UBE2K: variants seen among roughly 807,000 people sequenced by gnomAD.
The protein encoded by UBE2K is ubiquitin-conjugating enzyme E2 K.
UBE2K carries 6 observed loss-of-function variants against 30.0 expected under a neutral mutation model. That is an observed-to-expected ratio of 0.20 (90% CI 0.11 to 0.39). UBE2K has a LOEUF of 0.39. Ranked by LOEUF, UBE2K falls within the 10% of genes least tolerant of loss-of-function variation. The probability of loss-of-function intolerance (pLI) is 1.00; values close to 1 mark genes in which losing one functional copy is unlikely to be tolerated. For synonymous variants in UBE2K, 86 were observed against 83.7 expected (o/e 1.03, Z -0.15); for missense variants, 61 against 241.6 (o/e 0.25, Z 4.96).
intron 1 of UBE2K, among the ~76,000 whole-genome samples, chr4:39,723,758 A>G (rs1719565800): frequency 6.6e-6 from 1 of 152,238 alleles, no homozygotes; most frequent in African/African-American, 2.4e-5. Flanking sequence ...AATAACATTT[A>G]AAATAATTGT....
chr4:39,760,990 A>T (rs1028584406), intron 4 of UBE2K: 3 of 152,214 alleles, frequency 2.0e-5, no homozygotes. Flanking sequence ...TAACAAAAAA[A>T]TTTATAGCAG....
chr4:39,771,491 C>T lies in UBE2K; in HGVS notation c.300-3343C>T, dbSNP rs1002679090. 4 of 1,480,464 alleles carry T rather than the reference C, an allele frequency of 2.7e-6. No homozygotes were observed. The African/African-American group carries it at 4.2e-5, about 16-fold the overall frequency. The allele number at this position is 1,480,464 out of a possible 1,614,324, so 91.7% of individuals were successfully genotyped here. On this transcript the variant is annotated intron_variant, in intron 4 of 6. Transcript: ENST00000261427. The stretch of plus-strand genomic sequence containing the variant: ...TTCCGCGCGCTGTTTTTTTTTAATC[C>T]CCTATTTTCCCCACCCCCGCGGGGC...
intron 1 of UBE2K, among the ~76,000 whole-genome samples, chr4:39,704,688 C>T (rs1718232296): frequency 6.6e-6 from 1 of 151,990 alleles, no homozygotes; most frequent in South Asian, 2.1e-4. Context: ...CTAAAGGCGT[C>T]TGCCACCATG....
intron 1 of UBE2K, among the ~76,000 whole-genome samples, chr4:39,717,286 T>C (rs1578429280): frequency 6.7e-6 from 1 of 149,980 alleles, no homozygotes; most frequent in African/African-American, 2.5e-5. Flanking sequence ...CAGGCTGGAG[T>C]GCAGTGGCAC....
At chr4:39,741,241 A>T (rs1051369650) in intron 2 of UBE2K, among the ~76,000 whole-genome samples, 1 of 152,182 alleles carries the variant, frequency 6.6e-6, no homozygotes, top group Non-Finnish European at 1.5e-5. Context: ...ACTGCACTCC[A>T]GCCTGGGCGA....
chr4:39,717,419 CA>C (rs1719142755), intron 1 of UBE2K, among the ~76,000 whole-genome samples: 1 of 151,964 alleles, frequency 6.6e-6, no homozygotes, highest in African/African-American at 2.4e-5. Flanking sequence ...TAAGTACAGA[CA>C]GGGTTTCACC....
chr4:39,713,286 A>ATTATTTTTTTTTTTTT (rs1718816538), intron 1 of UBE2K, among the ~76,000 whole-genome samples: 1 of 83,582 alleles, frequency 1.2e-5, no homozygotes, highest in African/African-American at 5.4e-5. Context: ...TCTGTAGGAA[A>ATTATTTTTTTTTTTTT]TTTTTTTTTT....
At chr4:39,740,897 T>G (rs1184946138) in intron 2 of UBE2K, among the ~76,000 whole-genome samples, 3 of 151,556 alleles carry the variant, frequency 2.0e-5, no homozygotes, top group Non-Finnish European at 2.9e-5. Context: ...TATTCTTTAT[T>G]GGTTAGAAAC....
intron 4 of UBE2K, chr4:39,771,047 T>A (rs891355498): frequency 7.4e-6 from 12 of 1,611,994 alleles, no homozygotes; most frequent in African/African-American, 1.3e-5. Context: ...TTGAGGCCTA[T>A]TTTGGGCTCA....
intron 4 of UBE2K, chr4:39,760,935 T>G (rs192194735): frequency 1.3e-5 from 2 of 152,028 alleles, no homozygotes; most frequent in Non-Finnish European, 2.9e-5. Flanking sequence ...TATACAGATA[T>G]AAAAATTCAT....
intron 1 of UBE2K, among the ~76,000 whole-genome samples, chr4:39,730,812 T>TC (rs1307132090): frequency 5.2e-5 from 2 of 38,354 alleles, no homozygotes; most frequent in Non-Finnish European, 1.5e-4. Context: ...TATAGCTTCT[T>TC]TTTTTTTTTT....
At chr4:39,770,719 G>A in intron 4 of UBE2K, 3 of 1,574,008 alleles carry the variant, frequency 1.9e-6, no homozygotes, top group South Asian at 2.4e-5. Context: ...TCCCCAAGGT[G>A]GCCACCCACG....
At chr4:39,742,271 C>G (rs1251441439) in intron 2 of UBE2K, among the ~76,000 whole-genome samples, 1 of 151,970 alleles carries the variant, frequency 6.6e-6, no homozygotes, top group East Asian at 1.9e-4. Context: ...GCTGGCATTT[C>G]TAATTCTGGG....
At chr4:39,758,547 G>A (rs191345222) in intron 4 of UBE2K, among the ~76,000 whole-genome samples, 2 of 152,264 alleles carry the variant, frequency 1.3e-5, no homozygotes, top group African/African-American at 4.8e-5. Context: ...GCATGGTGGT[G>A]CATACCTGTA....
chr4:39,725,808 A>G (rs771468085), intron 1 of UBE2K, among the ~76,000 whole-genome samples: 1 of 151,950 alleles, frequency 6.6e-6, no homozygotes. Flanking sequence ...ATACCTGGCT[A>G]ATTTTTGTAT....
rs1712354274 is a variant in UBE2K at position 39,766,582 on chromosome 4, T to C, written c.300-8252T>C. On this transcript the variant is annotated intron_variant, in intron 4 of 6. Coordinates refer to ENST00000261427, the MANE Select transcript of UBE2K (RefSeq NM_005339.5). The stretch of plus-strand genomic sequence containing the variant: ...ATATTTTCTCCTGCAACACAGAAGT[T>C]TTTTTGTTTTAAGTAGTGGGGTCTT... Among the ~76,000 whole-genome samples the C allele has an allele frequency of 3.3e-5, 5 of 151,898 alleles. No individual in the cohort carries two copies. In the South Asian group the frequency reaches 1.0e-3, roughly 32 times the overall value.
intron 4 of UBE2K, chr4:39,770,384 G>A (rs1178763999): frequency 1.2e-6 from 2 of 1,613,200 alleles, no homozygotes; most frequent in Non-Finnish European, 1.7e-6. Context: ...GAGGGCACAT[G>A]AAGATGAAGT....
At chr4:39,750,309 G>T (rs1291456429) in intron 3 of UBE2K, among the ~76,000 whole-genome samples, 1 of 152,238 alleles carries the variant, frequency 6.6e-6, no homozygotes, top group African/African-American at 2.4e-5. Context: ...GGGAGCTGAA[G>T]TGTTAAACTA....
At chr4:39,706,206 C>T (rs540907823) in intron 1 of UBE2K, among the ~76,000 whole-genome samples, 8 of 151,938 alleles carry the variant, frequency 5.3e-5, no homozygotes, top group East Asian at 3.9e-4. Context: ...TTAGTAGAGA[C>T]GGGGTTTCAC....
Sources: allele counts gnomAD v4.1 joint callset (sites outside exome capture counted in the v4.1 genomes callset), GRCh38; gene constraint gnomAD v4.1.1; transcripts MANE v1.5; gene names NCBI Gene and HGNC (gene_info 2026-07-23, HGNC 2026-07-21).